The following VTA1 variants were observed in gnomAD, a reference collection of about 807,000 sequenced individuals.
The protein encoded by VTA1 is vacuolar protein sorting-associated protein VTA1 homolog.
A neutral mutation model predicts 36.9 loss-of-function variants in VTA1; 24 were observed. That is an observed-to-expected ratio of 0.65 (90% CI 0.47 to 0.91). The LOEUF (loss-of-function observed/expected upper bound fraction) is 0.91. VTA1 is among the 40% of genes least tolerant of loss of function. The probability of loss-of-function intolerance (pLI) is 0.00; values close to 1 mark genes in which losing one functional copy is unlikely to be tolerated. For missense variants in VTA1, 393 were observed against 377.2 expected (o/e 1.04, Z -0.35); for synonymous variants, 142 against 130.2 (o/e 1.09, Z -0.62).
intron 4 of VTA1, 66 bp downstream of exon 4, chr6:142,170,487 T>G (rs1022364986): frequency 9.2e-7 from 1 of 1,089,702 alleles, no homozygotes; most frequent in African/African-American, 1.6e-5. Context: ...ATCAATATTG[T>G]TATTGCATTG....
At chr6:142,154,426 A>G (rs1463124028) in intron 1 of VTA1, among the ~76,000 whole-genome samples, 3 of 152,140 alleles carry the variant, frequency 2.0e-5, no homozygotes, top group Non-Finnish European at 2.9e-5. Context: ...AATAAAGTGA[A>G]TATAATCACG....
At chr6:142,209,075 T>C (rs1425809178) in intron 7 of VTA1, among the ~76,000 whole-genome samples, 1 of 152,116 alleles carries the variant, frequency 6.6e-6, no homozygotes, top group African/African-American at 2.4e-5. Context: ...AGAAGTCAAA[T>C]TAGCCTTGCT....
At chr6:142,198,130 T>G (rs1775600919) in intron 5 of VTA1, among the ~76,000 whole-genome samples, 2 of 134,720 alleles carry the variant, frequency 1.5e-5, no homozygotes, top group Non-Finnish European at 1.6e-5. Context: ...TGTGTGTGTG[T>G]GTGTGTGTGT....
intron 7 of VTA1, among the ~76,000 whole-genome samples, chr6:142,212,329 C>CAT (rs1358782999): frequency 8.5e-5 from 13 of 152,140 alleles, no homozygotes; most frequent in African/African-American, 2.9e-4. Context: ...GGATATTATT[C>CAT]AGTGCTAGAA....
intron 7 of VTA1, among the ~76,000 whole-genome samples, chr6:142,215,849 T>C (rs1056062180): frequency 1.3e-5 from 2 of 152,208 alleles, no homozygotes; most frequent in African/African-American, 2.4e-5. Flanking sequence ...AGTGATGTTA[T>C]CTTTGATCCA....
At chr6:142,152,900 G>A (rs1035816672) in intron 1 of VTA1, among the ~76,000 whole-genome samples, 4 of 151,972 alleles carry the variant, frequency 2.6e-5, no homozygotes, top group Non-Finnish European at 1.5e-5. Flanking sequence ...AGCTCCATGG[G>A]CTATGTGCTA....
At chr6:142,217,867 C>G (rs962204328) in intron 7 of VTA1, among the ~76,000 whole-genome samples, 32 of 150,656 alleles carry the variant, frequency 2.1e-4, no homozygotes, top group African/African-American at 7.5e-4. Flanking sequence ...TTTTTTTAAA[C>G]TGAAATTGTT....
In VTA1 at chr6:142,147,286, A is replaced by G. The variant is rs769646312; in HGVS notation, c.-2A>G. The G allele has an allele frequency of 1.2e-6, 2 of 1,614,168 alleles. No individual in the cohort carries two copies. The highest frequency in any genetic ancestry group is 1.3e-5 in the African/African-American group (1 of 75,074). Reference sequence around the variant, plus strand: ...GTAGGAAGTGGTGAGTTCGGAGTAGAGATGGCCGCGCTTGCACCGCTGCCC... The same window carrying G: ...GTAGGAAGTGGTGAGTTCGGAGTAGGGATGGCCGCGCTTGCACCGCTGCCC... On this transcript the variant is annotated 5_prime_UTR_variant, in exon 1 of 8. Coordinates refer to ENST00000367630, the MANE Select transcript of VTA1 (RefSeq NM_016485.5).
intron 4 of VTA1, among the ~76,000 whole-genome samples, chr6:142,173,039 A>G (rs548753972): frequency 3.5e-4 from 54 of 152,276 alleles, no homozygotes; most frequent in African/African-American, 1.2e-3. Flanking sequence ...AAAACTGTAC[A>G]TGATGAGTTG....
chr6:142,151,371 G>A (rs565670970), intron 1 of VTA1, among the ~76,000 whole-genome samples: 2 of 152,248 alleles, frequency 1.3e-5, no homozygotes, highest in East Asian at 3.9e-4. Flanking sequence ...ATTTTCATGA[G>A]ATGACCTTAC....
At chr6:142,183,399 C>A (rs1223226161) in intron 4 of VTA1, among the ~76,000 whole-genome samples, 2 of 152,158 alleles carry the variant, frequency 1.3e-5, no homozygotes, top group Non-Finnish European at 2.9e-5. Context: ...GTGAGTCTTA[C>A]AGGTCCTAAG....
At position 142,224,104 on chromosome 6, in the gene VTA1, A is replaced by T. The variant is rs1360640192; in HGVS notation, c.*5461A>T. 1 of 152,126 alleles carries T rather than the reference A, an allele frequency of 6.6e-6. No homozygotes were observed. Among genetic ancestry groups the T allele is most frequent in the South Asian group, 2.1e-4 (1 of 4,818 alleles). The allele number at this position is 152,126 out of a possible 1,614,324, so 9.4% of individuals were successfully genotyped here. A position where few individuals can be genotyped will look rare whatever the true frequency, so the allele number is the denominator to read the frequency against. On this transcript the variant is annotated 3_prime_UTR_variant, in exon 8 of 8. Coordinates refer to ENST00000367630, the MANE Select transcript of VTA1 (RefSeq NM_016485.5). ...AGGGAGGCAATTAAGGTTACATGAG[A>T]TCATAAAGGTGAGGCCCTAATCCTA... is the stretch of plus-strand genomic sequence containing the variant.
chr6:142,175,030 A>G (rs937387773), intron 4 of VTA1, among the ~76,000 whole-genome samples: 2 of 152,176 alleles, frequency 1.3e-5, no homozygotes, highest in African/African-American at 2.4e-5. Flanking sequence ...AAAACAGACT[A>G]ATACAAGATG....
In VTA1 at chr6:142,204,033, T is replaced by C. The variant is rs773716610; in HGVS notation, c.746T>C (p.Ile249Thr). 1 of 1,613,662 alleles carries C rather than the reference T, an allele frequency of 6.2e-7. No homozygotes were observed. The highest frequency in any genetic ancestry group is 2.2e-5 in the East Asian group (1 of 44,820). ...IQPTPQTIPAIDPALFNTISQ... is the reference protein window; with the variant it reads ...IQPTPQTIPATDPALFNTISQ... ...CCTACTCCACAGACTATACCTGCCATTGATCCCGCACTTTTCAATACAATT... is the reference window on the plus strand; with the variant it reads ...CCTACTCCACAGACTATACCTGCCACTGATCCCGCACTTTTCAATACAATT... The change falls in exon 7 of 8, where the codon ATT becomes ACT. Residue 249 changes from isoleucine to threonine, a missense_variant. Coordinates refer to ENST00000367630, the MANE Select transcript of VTA1 (RefSeq NM_016485.5).
intron 7 of VTA1, among the ~76,000 whole-genome samples, chr6:142,210,919 A>G (rs1249035598): frequency 6.6e-6 from 1 of 152,236 alleles, no homozygotes; most frequent in East Asian, 1.9e-4. Flanking sequence ...ATCAACCTAA[A>G]TGGCTATCAG....
At chr6:142,213,153 G>A (rs924114861) in intron 7 of VTA1, among the ~76,000 whole-genome samples, 24 of 152,310 alleles carry the variant, frequency 1.6e-4, no homozygotes, top group African/African-American at 5.8e-4. Flanking sequence ...GAGGGTGCAG[G>A]CACTGGATAA....
intron 1 of VTA1, among the ~76,000 whole-genome samples, chr6:142,162,629 G>A (rs912480663): frequency 3.9e-5 from 6 of 152,154 alleles, no homozygotes; most frequent in African/African-American, 1.4e-4. Flanking sequence ...ATGACAATCT[G>A]TCGTCAGTTT....
chr6:142,193,740 G>T (rs573742485), intron 5 of VTA1, among the ~76,000 whole-genome samples: 1 of 151,440 alleles, frequency 6.6e-6, no homozygotes, highest in East Asian at 1.9e-4. Flanking sequence ...TATTGATCTG[G>T]CCAGTGCCTT....
Position 142,170,387 on chromosome 6 carries a change from A to C in VTA1, c.377A>C (p.Asp126Ala). 1 of 1,608,090 alleles carries C rather than the reference A, an allele frequency of 6.2e-7. No individual in the cohort carries two copies. The part of the protein sequence containing the change: ...KSFYTASLLI[D>A]VITVFGELTD... Reference sequence around the variant, plus strand: ...TTCTATACTGCAAGTCTTTTGATAGATGTCATAACAGTATTTGGAGAACTC... The same window carrying C: ...TTCTATACTGCAAGTCTTTTGATAGCTGTCATAACAGTATTTGGAGAACTC... The change falls in exon 4 of 8, where the codon GAT becomes GCT. Residue 126 changes from aspartate (D) to alanine (A), a missense_variant. By Grantham distance (126) the Asp-to-Ala change is moderately radical. Coordinates refer to ENST00000367630, the MANE Select transcript of VTA1 (RefSeq NM_016485.5).
Sources: gnomAD v4.1 joint callset for allele counts (sites outside exome capture counted in the v4.1 genomes callset) on GRCh38, gnomAD v4.1.1 for gene constraint, MANE v1.5 for transcripts, NCBI Gene and HGNC (gene_info 2026-07-23, HGNC 2026-07-21) for gene names.